LOC128125817: variants seen among roughly 807,000 people sequenced by gnomAD.
the LOC128125817 span, among the ~76,000 whole-genome samples, chr1:41,604,471 G>A: frequency 2.6e-5 from 4 of 152,212 alleles, no homozygotes; most frequent in Admixed American, 2.6e-4. Flanking sequence ...CACAATTCAG[G>A]TATTGTCAAC....
At chr1:41,596,190 C>G in the LOC128125817 span, among the ~76,000 whole-genome samples, 2 of 152,124 alleles carry the variant, frequency 1.3e-5, no homozygotes, top group Non-Finnish European at 2.9e-5. Context: ...CTCATTATGT[C>G]AAGCAGATCT....
At chr1:41,605,143 A>G in the LOC128125817 span, among the ~76,000 whole-genome samples, 1 of 113,918 alleles carries the variant, frequency 8.8e-6, no homozygotes, top group African/African-American at 3.3e-5. Flanking sequence ...AAGGGAAGGG[A>G]AGGGAAGCGG....
chr1:41,614,819 G>A, the LOC128125817 span, among the ~76,000 whole-genome samples: 13 of 152,322 alleles, frequency 8.5e-5, no homozygotes, highest in East Asian at 5.8e-4. Flanking sequence ...CACAGTCTCC[G>A]TGTTCTGATG....
the LOC128125817 span, among the ~76,000 whole-genome samples, chr1:41,592,119 C>A: frequency 6.6e-6 from 1 of 152,110 alleles, no homozygotes; most frequent in African/African-American, 2.4e-5. Context: ...CACAGGCAGC[C>A]GGCTGCCTCC....
At chr1:41,600,503 T>A in the LOC128125817 span, among the ~76,000 whole-genome samples, 2 of 152,014 alleles carry the variant, frequency 1.3e-5, no homozygotes, top group East Asian at 1.9e-4. Flanking sequence ...GTACTTAGAG[T>A]AATCAAATTC....
At chr1:41,624,170 C>T in the LOC128125817 span, among the ~76,000 whole-genome samples, 8 of 152,302 alleles carry the variant, frequency 5.3e-5, no homozygotes, top group African/African-American at 1.7e-4. Context: ...CATCTCTCCT[C>T]CTTCCTCCTC....
the LOC128125817 span, among the ~76,000 whole-genome samples, chr1:41,610,644 A>G: frequency 6.6e-6 from 1 of 152,200 alleles, no homozygotes; most frequent in African/African-American, 2.4e-5. Context: ...TCTGGTGAGG[A>G]GAGGACCCCA....
At chr1:41,625,066 G>A in the LOC128125817 span, among the ~76,000 whole-genome samples, 2 of 150,188 alleles carry the variant, frequency 1.3e-5, no homozygotes, top group Non-Finnish European at 2.9e-5. Flanking sequence ...GGGAGGCTGA[G>A]GCAGGAAAAT....
At chr1:41,605,950 G>A in the LOC128125817 span, among the ~76,000 whole-genome samples, 1 of 152,192 alleles carries the variant, frequency 6.6e-6, no homozygotes, top group South Asian at 2.1e-4. Context: ...TGTCTGGAAT[G>A]GTAGGACAGA....
At chr1:41,594,605 G>C in the LOC128125817 span, among the ~76,000 whole-genome samples, 2 of 152,132 alleles carry the variant, frequency 1.3e-5, no homozygotes, top group African/African-American at 2.4e-5. Context: ...ATTTCATTTG[G>C]GAGACTATTT....
At chr1:41,604,583 C>T in the LOC128125817 span, among the ~76,000 whole-genome samples, 3 of 152,144 alleles carry the variant, frequency 2.0e-5, no homozygotes, top group East Asian at 1.9e-4. Flanking sequence ...ATCTCACTTG[C>T]CCTGGTACCT....
At chr1:41,604,498 G>C in the LOC128125817 span, among the ~76,000 whole-genome samples, 1 of 152,208 alleles carries the variant, frequency 6.6e-6, no homozygotes, top group Admixed American at 6.5e-5. Context: ...GTATTAAGAG[G>C]TGATTAGGCT....
the LOC128125817 span, among the ~76,000 whole-genome samples, chr1:41,589,142 C>T: frequency 6.6e-6 from 1 of 152,120 alleles, no homozygotes; most frequent in African/African-American, 2.4e-5. Flanking sequence ...GCCACTTTTC[C>T]AGGGAATTGG....
At chr1:41,591,908 A>G in the LOC128125817 span, among the ~76,000 whole-genome samples, 57 of 152,200 alleles carry the variant, frequency 3.7e-4, 1 homozygote, top group East Asian at 0.01. Flanking sequence ...CGGGCTGGGA[A>G]GTCTTCAAGC....
chr1:41,596,503 G>A, the LOC128125817 span, among the ~76,000 whole-genome samples: 1 of 152,224 alleles, frequency 6.6e-6, no homozygotes, highest in Non-Finnish European at 1.5e-5. Flanking sequence ...CAGTTCATCA[G>A]TGTCTTCCAG....
the LOC128125817 span, among the ~76,000 whole-genome samples, chr1:41,594,274 G>A: frequency 3.3e-5 from 5 of 152,150 alleles, no homozygotes; most frequent in Non-Finnish European, 7.4e-5. Context: ...CCAGGATGGA[G>A]TGCAGTGACT....
At chr1:41,589,194 G>T in the LOC128125817 span, among the ~76,000 whole-genome samples, 2 of 152,336 alleles carry the variant, frequency 1.3e-5, no homozygotes, top group Admixed American at 1.3e-4. Flanking sequence ...GGGCCCAGGA[G>T]CTGGGCCAAC....
chr1:41,600,944 G>A, the LOC128125817 span, among the ~76,000 whole-genome samples: 1 of 152,120 alleles, frequency 6.6e-6, no homozygotes. Flanking sequence ...TTTTATGTAA[G>A]ATAAGAATCC....
At chr1:41,623,075 G>T in the LOC128125817 span, among the ~76,000 whole-genome samples, 1 of 152,204 alleles carries the variant, frequency 6.6e-6, no homozygotes, top group Non-Finnish European at 1.5e-5. Context: ...CTGAGCTGGG[G>T]CCCTCAGTGC....
Sources: gnomAD v4.1 joint callset for allele counts (sites outside exome capture counted in the v4.1 genomes callset) on GRCh38, gnomAD v4.1.1 for gene constraint, MANE v1.5 for transcripts.